The following NKAIN2 variants were observed in gnomAD, a reference collection of about 807,000 sequenced individuals.
The protein encoded by NKAIN2 is sodium/potassium transporting ATPase interacting 2, also known as sodium/potassium-transporting ATPase subunit beta-1-interacting protein 2.
In NKAIN2, 14 loss-of-function variants were observed where a neutral mutation model predicts 32.6. The observed-to-expected ratio is 0.43, with a 90% CI of 0.28 to 0.67. The LOEUF (loss-of-function observed/expected upper bound fraction) is 0.67, where lower values mean the gene tolerates loss of function less well. NKAIN2 is among the 30% of genes least tolerant of loss of function. The probability of loss-of-function intolerance (pLI) is 0.17; values close to 1 mark genes in which losing one functional copy is unlikely to be tolerated. For synonymous variants in NKAIN2, 80 were observed against 87.2 expected, an observed-to-expected ratio of 0.92 and a Z score of 0.46; for missense variants, 198 against 258.3, an observed-to-expected ratio of 0.77 and a Z score of 1.60.
intron 1 of NKAIN2, among the ~76,000 whole-genome samples, chr6:123,856,783 A>G (rs1562222318): frequency 6.6e-6 from 1 of 152,114 alleles, no homozygotes; most frequent in Non-Finnish European, 1.5e-5. Flanking sequence ...TCTCTACTAT[A>G]ACAAACCCCC....
chr6:124,342,179 A>T (rs1013999551), intron 2 of NKAIN2, among the ~76,000 whole-genome samples: 4 of 152,042 alleles, frequency 2.6e-5, no homozygotes, highest in Non-Finnish European at 5.9e-5. Context: ...AGGCAGGCGG[A>T]TCACGAGGTC....
intron 3 of NKAIN2, among the ~76,000 whole-genome samples, chr6:124,363,616 G>A (rs868441231): frequency 8.5e-5 from 13 of 152,198 alleles, no homozygotes; most frequent in South Asian, 2.1e-4. Context: ...GGACTCTATA[G>A]AATAAACTAG....
chr6:124,793,329 A>C (rs1370924611), intron 5 of NKAIN2, among the ~76,000 whole-genome samples: 1 of 152,204 alleles, frequency 6.6e-6, no homozygotes, highest in Non-Finnish European at 1.5e-5. Context: ...TCCAGTAAGC[A>C]CTTGTCTTAT....
At chr6:124,678,972 G>T (rs545769302) in intron 4 of NKAIN2, among the ~76,000 whole-genome samples, 1 of 152,036 alleles carries the variant, frequency 6.6e-6, no homozygotes, top group East Asian at 1.9e-4. Flanking sequence ...ATTTTTTCCA[G>T]CAGTTTGTGT....
intron 1 of NKAIN2, among the ~76,000 whole-genome samples, chr6:124,087,349 A>G (rs903545913): frequency 6.6e-6 from 1 of 151,956 alleles, no homozygotes; most frequent in East Asian, 1.9e-4. Flanking sequence ...AAGCTTTTTC[A>G]CTAATATCAG....
intron 2 of NKAIN2, among the ~76,000 whole-genome samples, chr6:124,286,222 C>A (rs1321634333): frequency 6.6e-6 from 1 of 152,016 alleles, no homozygotes; most frequent in Non-Finnish European, 1.5e-5. Context: ...TAAAAATTAA[C>A]ATGACTATTT....
At chr6:124,036,432 G>T (rs1466979985) in intron 1 of NKAIN2, among the ~76,000 whole-genome samples, 1 of 151,916 alleles carries the variant, frequency 6.6e-6, no homozygotes, top group African/African-American at 2.4e-5. Flanking sequence ...TTTCCTTATG[G>T]TCTAGTCAAA....
At chr6:123,856,115 G>T (rs1775545471) in intron 1 of NKAIN2, among the ~76,000 whole-genome samples, 1 of 152,110 alleles carries the variant, frequency 6.6e-6, no homozygotes, top group Non-Finnish European at 1.5e-5. Context: ...ATAATGAGCT[G>T]TCAAATTTGT....
At chr6:123,976,048 C>T (rs1778551585) in intron 1 of NKAIN2, among the ~76,000 whole-genome samples, 1 of 151,482 alleles carries the variant, frequency 6.6e-6, no homozygotes, top group Admixed American at 6.6e-5. Flanking sequence ...GGGAGTTCCC[C>T]TGCACATGCT....
intron 1 of NKAIN2, among the ~76,000 whole-genome samples, chr6:123,815,314 A>T (rs6923597): frequency 0.13 from 20,048 of 152,106 alleles, 2,839 homozygotes; most frequent in African/African-American, 0.35. Context: ...AATAAGATCA[A>T]TTTTGGTGAG....
intron 3 of NKAIN2, among the ~76,000 whole-genome samples, chr6:124,502,459 T>C (rs1296584578): frequency 6.6e-6 from 1 of 152,204 alleles, no homozygotes; most frequent in East Asian, 1.9e-4. Flanking sequence ...CCACACATAC[T>C]TTGTGTATTT....
chr6:124,413,328 C>T (rs531318736), intron 3 of NKAIN2, among the ~76,000 whole-genome samples: 15 of 152,216 alleles, frequency 9.9e-5, no homozygotes, highest in East Asian at 1.9e-4. Context: ...GTTGTGGCAC[C>T]GTTTATTGAA....
intron 3 of NKAIN2, among the ~76,000 whole-genome samples, chr6:124,390,177 A>G (rs1047910177): frequency 6.6e-6 from 1 of 152,064 alleles, no homozygotes; most frequent in African/African-American, 2.4e-5. Context: ...CAACAACTCA[A>G]AGGCGGGTGG....
In NKAIN2 at chr6:124,812,856, T is replaced by C. The variant is rs566013417; in HGVS notation, c.536-5531T>C. On this transcript the variant is annotated intron_variant, in intron 5 of 6. Transcript: ENST00000368417. ...AAAACTTGCCATGAACTATGTTTTC[T>C]ACCTCTTTGTCCATTCATCTCAAAT... is the stretch of plus-strand genomic sequence containing the variant. Among the ~76,000 whole-genome samples the C allele has an allele frequency of 4.6e-5, 7 of 152,270 alleles. No individual in the cohort carries two copies. In the South Asian group the frequency reaches 1.4e-3, roughly 32 times the overall value.
intron 1 of NKAIN2, among the ~76,000 whole-genome samples, chr6:123,931,018 G>C (rs1008030870): frequency 1.3e-5 from 2 of 148,852 alleles, no homozygotes; most frequent in African/African-American, 5.2e-5. Flanking sequence ...CTGCGATGAA[G>C]GCGGGGCAGG....
At chr6:124,390,209 G>A (rs751277820) in intron 3 of NKAIN2, among the ~76,000 whole-genome samples, 1 of 152,060 alleles carries the variant, frequency 6.6e-6, no homozygotes, top group Non-Finnish European at 1.5e-5. Flanking sequence ...CTTTTCATTA[G>A]TATATTTCCA....
chr6:124,732,023 A>G (rs1776705268), intron 4 of NKAIN2, among the ~76,000 whole-genome samples: 1 of 152,122 alleles, frequency 6.6e-6, no homozygotes, highest in Non-Finnish European at 1.5e-5. Context: ...TACTTTACTT[A>G]GCCTTCATGT....
chr6:124,417,320 C>G (rs1774535299), intron 3 of NKAIN2, among the ~76,000 whole-genome samples: 1 of 151,986 alleles, frequency 6.6e-6, no homozygotes, highest in Non-Finnish European at 1.5e-5. Context: ...TGAAAAAATA[C>G]ATTTAAACAC....
intron 3 of NKAIN2, among the ~76,000 whole-genome samples, chr6:124,640,428 A>G (rs187551226): frequency 4.6e-5 from 7 of 152,304 alleles, no homozygotes; most frequent in Admixed American, 4.6e-4. Flanking sequence ...TAACCTGTTC[A>G]TTGAAAACTG....
Sources: gnomAD v4.1 joint callset for allele counts (sites outside exome capture counted in the v4.1 genomes callset) on GRCh38, gnomAD v4.1.1 for gene constraint, MANE v1.5 for transcripts, NCBI Gene and HGNC (gene_info 2026-07-23, HGNC 2026-07-21) for gene names.